Variants in EPHA3 observed in about 807,000 individuals in gnomAD.
EPHA3 encodes ephrin type-A receptor 3.
A neutral mutation model predicts 107.1 loss-of-function variants in EPHA3; 42 were observed. The observed-to-expected ratio is 0.39, with a 90% confidence interval of 0.31 to 0.51. EPHA3 has a LOEUF of 0.51. EPHA3 is among the 20% of genes least tolerant of loss of function. The pLI, the probability that EPHA3 is intolerant of heterozygous loss-of-function variation, is 0.78. For missense variants in EPHA3, 1,183 were observed against 1,211.2 expected (o/e 0.98, Z 0.35); for synonymous variants, 461 against 424.8 (o/e 1.09, Z -1.05).
intron 3 of EPHA3, among the ~76,000 whole-genome samples, chr3:89,237,657 T>C (rs1292750989): frequency 1.3e-5 from 2 of 152,056 alleles, no homozygotes; most frequent in Admixed American, 6.6e-5. Flanking sequence ...ATTTTTCAGT[T>C]TGTAATGTTA....
At chr3:89,461,100 G>C (rs1576391517) in intron 15 of EPHA3, among the ~76,000 whole-genome samples, 1 of 87,970 alleles carries the variant, frequency 1.1e-5, no homozygotes, top group African/African-American at 5.7e-5. Context: ...TCTTGCGATA[G>C]TTTACTGAGA....
intron 13 of EPHA3, among the ~76,000 whole-genome samples, chr3:89,440,920 T>C (rs985680209): frequency 2.8e-4 from 42 of 152,234 alleles, no homozygotes; most frequent in African/African-American, 8.9e-4. Context: ...ATAATTAACA[T>C]TGAAAATGTC....
At chr3:89,129,602 G>GTTT (rs11378105) in intron 2 of EPHA3, among the ~76,000 whole-genome samples, 28,981 of 134,104 alleles carry the variant, frequency 0.22, 3,189 homozygotes, top group Middle Eastern at 0.3. Flanking sequence ...ACATTAGATT[G>GTTT]TTTTTTTTTT....
chr3:89,391,085 C>T (rs1054134389), intron 5 of EPHA3, among the ~76,000 whole-genome samples: 1 of 151,994 alleles, frequency 6.6e-6, no homozygotes, highest in African/African-American at 2.4e-5. Context: ...TGCACCTGGC[C>T]TGAAAAGCAC....
chr3:89,443,864 G>C (rs906340918), intron 13 of EPHA3, among the ~76,000 whole-genome samples: 6 of 152,034 alleles, frequency 3.9e-5, no homozygotes, highest in African/African-American at 1.4e-4. Flanking sequence ...CACCCAAAGA[G>C]TTTACATTTG....
intron 6 of EPHA3, among the ~76,000 whole-genome samples, chr3:89,399,028 GC>G (rs1209605664): frequency 6.6e-6 from 1 of 151,974 alleles, no homozygotes; most frequent in Non-Finnish European, 1.5e-5. Flanking sequence ...TACTCAGGAG[GC>G]TGAGGCAGGA....
intron 5 of EPHA3, among the ~76,000 whole-genome samples, chr3:89,363,183 T>C (rs919881357): frequency 6.6e-6 from 1 of 150,826 alleles, no homozygotes; most frequent in Non-Finnish European, 1.5e-5. Flanking sequence ...TGTGTATCTA[T>C]CTATCCATTG....
chr3:89,405,922 C>T (rs569756710), intron 7 of EPHA3, among the ~76,000 whole-genome samples: 7 of 152,208 alleles, frequency 4.6e-5, no homozygotes, highest in Admixed American at 6.5e-5. Context: ...GGCTTTTACA[C>T]GCTCTGCTAT....
rs1263219265 is a variant in EPHA3, at chr3:89,328,145, C to T, written c.815-12771C>T. Among the ~76,000 whole-genome samples the T allele has an allele frequency of 2.0e-5, 3 of 151,894 alleles. No individual in the cohort carries two copies. In the East Asian group the frequency reaches 5.8e-4, roughly 29 times the overall value. ...ACAGAAAAAACTCAAATAATTTATG[C>T]AATCTCACTTTATTACTTTATTCTG... is the stretch of plus-strand genomic sequence containing the variant. On this transcript the variant is annotated intron_variant, in intron 3 of 16. Transcript: ENST00000336596.
intron 3 of EPHA3, among the ~76,000 whole-genome samples, chr3:89,293,151 A>G (rs1380766055): frequency 6.6e-6 from 1 of 152,108 alleles, no homozygotes; most frequent in Non-Finnish European, 1.5e-5. Context: ...TTCTTTGGTG[A>G]AGAGTCTATT....
chr3:89,372,443 G>A (rs969423762), intron 5 of EPHA3, among the ~76,000 whole-genome samples: 2 of 151,110 alleles, frequency 1.3e-5, no homozygotes, highest in African/African-American at 2.4e-5. Context: ...ATATAGCACA[G>A]ACTTTTTATT....
intron 3 of EPHA3, among the ~76,000 whole-genome samples, chr3:89,308,483 C>G (rs1277921380): frequency 6.6e-6 from 1 of 152,074 alleles, no homozygotes; most frequent in Non-Finnish European, 1.5e-5. Context: ...ATCAGGAACC[C>G]TGGCATAGGA....
chr3:89,182,045 G>T (rs1390743661), intron 2 of EPHA3, among the ~76,000 whole-genome samples: 4 of 150,414 alleles, frequency 2.7e-5, no homozygotes, highest in African/African-American at 7.3e-5. Flanking sequence ...TTTTACTATG[G>T]TTTTCCTCTT....
intron 3 of EPHA3, among the ~76,000 whole-genome samples, chr3:89,247,934 T>C (rs2107257622): frequency 6.6e-6 from 1 of 152,266 alleles, no homozygotes; most frequent in Non-Finnish European, 1.5e-5. Context: ...CTTAAAAGAA[T>C]TTTCACTTCC....
chr3:89,257,099 G>C (rs1705302823), intron 3 of EPHA3, among the ~76,000 whole-genome samples: 2 of 152,156 alleles, frequency 1.3e-5, no homozygotes, highest in African/African-American at 4.8e-5. Flanking sequence ...ACTTCAAATG[G>C]CTGGAAAAGC....
intron 3 of EPHA3, among the ~76,000 whole-genome samples, chr3:89,257,342 G>T (rs1705309613): frequency 1.3e-5 from 2 of 152,052 alleles, no homozygotes; most frequent in Non-Finnish European, 2.9e-5. Context: ...TCACGTTTAG[G>T]TCTGGTGAAG....
rs1438673642 is a variant in EPHA3, at chr3:89,449,331, T to C, written c.2453T>C (p.Met818Thr). The C allele has an allele frequency of 1.2e-6, 2 of 1,609,522 alleles. No individual in the cohort carries two copies. Among genetic ancestry groups the C allele is most frequent in the African/African-American group, 1.3e-5 (1 of 74,788 alleles). ...WSYGIVLWEVMSYGERPYWEM... is the reference protein window; with the variant it reads ...WSYGIVLWEVTSYGERPYWEM... The stretch of plus-strand genomic sequence containing the variant: ...TATGGGATTGTTCTCTGGGAGGTGA[T>C]GTCTTATGGAGAGAGACCATACTGG... The change falls in exon 14 of 17, where the codon ATG becomes ACG. Residue 818 changes from methionine to threonine, a missense_variant. Transcript: ENST00000336596.
intron 2 of EPHA3, among the ~76,000 whole-genome samples, chr3:89,172,527 CAT>C (rs1447557325): frequency 6.6e-6 from 1 of 152,200 alleles, no homozygotes; most frequent in African/African-American, 2.4e-5. Flanking sequence ...ACTCCTCTGA[CAT>C]ATTAATTAGT....
chr3:89,363,952 C>T (rs1335686753), intron 5 of EPHA3, among the ~76,000 whole-genome samples: 1 of 150,634 alleles, frequency 6.6e-6, no homozygotes, highest in Non-Finnish European at 1.5e-5. Flanking sequence ...GTTTGAAAAT[C>T]TCACTTGGAT....
Sources: allele counts gnomAD v4.1 joint callset (sites outside exome capture counted in the v4.1 genomes callset), GRCh38; gene constraint gnomAD v4.1.1; transcripts MANE v1.5; gene names NCBI Gene and HGNC (gene_info 2026-07-23, HGNC 2026-07-21).